Variants in COA6 observed in about 807,000 individuals in gnomAD.
COA6 encodes the protein cytochrome c oxidase assembly factor 6 homolog.
In COA6, 12 loss-of-function variants were observed where a neutral mutation model predicts 17.1. The observed-to-expected ratio is 0.70, with a 90% CI of 0.45 to 1.14. The LOEUF (loss-of-function observed/expected upper bound fraction) is 1.14. Among genes scored for constraint, COA6 ranks in the 50% most tolerant of loss-of-function variants. The pLI is 0.00. For missense variants in COA6, 246 were observed against 196.5 expected (o/e 1.25, Z -1.51); for synonymous variants, 90 against 73.4 (o/e 1.23, Z -1.16).
At position 234,373,573 on chromosome 1, in the gene COA6, G is replaced by C; in HGVS notation, c.107G>C (p.Cys36Ser). ...LLELEPAGRP[C>S]SGRTRHRALH... Reference sequence around the variant, plus strand: ...GAGCTTGAGCCAGCGGGGCGACCCTGCAGTGGCAGGACTCGGCACCGCGCC... The same window carrying C: ...GAGCTTGAGCCAGCGGGGCGACCCTCCAGTGGCAGGACTCGGCACCGCGCC... Residue 36 changes from cysteine to serine, a missense_variant, in exon 1 of 3, where the codon TGC becomes TCC. Transcript: ENST00000366615. 2 of 1,612,172 alleles carry C rather than the reference G, an allele frequency of 1.2e-6. No individual in the cohort carries two copies. The highest frequency in any genetic ancestry group is 1.7e-6 in the Non-Finnish European group (2 of 1,179,484).
In COA6 at chr1:234,384,689, T is replaced by C. The variant is rs1011785094; in HGVS notation, c.*871T>C. Reference sequence around the variant, plus strand: ...GACTACATCAGATTAAATGGAGAGGTATACAGTTGGCCCTCTGTGGGTTCT... The same window carrying C: ...GACTACATCAGATTAAATGGAGAGGCATACAGTTGGCCCTCTGTGGGTTCT... On this transcript the variant is annotated 3_prime_UTR_variant, in exon 3 of 3. Transcript: ENST00000366615. 3.3e-5 allele frequency among the ~76,000 whole-genome samples: 5 copies of C among 152,156 alleles called. No individual in the cohort carries two copies. Among genetic ancestry groups the C allele is most frequent in the South Asian group, 2.1e-4 (1 of 4,828 alleles).
At chr1:234,383,181 G>C (rs1330074463) in intron 2 of COA6, among the ~76,000 whole-genome samples, 1 of 152,136 alleles carries the variant, frequency 6.6e-6, no homozygotes, top group Non-Finnish European at 1.5e-5. Context: ...CAGCAAGCCT[G>C]ACCTGTGTGC....
chr1:234,381,728 A>C (rs12401853), intron 2 of COA6, among the ~76,000 whole-genome samples: 42,672 of 152,052 alleles, frequency 0.28, 6,960 homozygotes, highest in Admixed American at 0.38. Flanking sequence ...GTGCTGTGGC[A>C]GTGAAGAAGG....
intron 2 of COA6, among the ~76,000 whole-genome samples, chr1:234,375,513 G>A (rs1658765861): frequency 6.6e-6 from 1 of 152,216 alleles, no homozygotes; most frequent in Admixed American, 6.5e-5. Context: ...TAGAGTTGAA[G>A]TGGTTTTAGG....
At chr1:234,381,186 T>G (rs1421201586) in intron 2 of COA6, among the ~76,000 whole-genome samples, 2 of 152,190 alleles carry the variant, frequency 1.3e-5, no homozygotes, top group Admixed American at 1.3e-4. Flanking sequence ...GAAATCCCAG[T>G]ATTTTGGCAT....
rs760224357 is a variant in COA6 at position 234,373,677 on chromosome 1, A to G, written c.211A>G (p.Ser71Gly). The G allele has an allele frequency of 2.8e-5, 45 of 1,612,664 alleles. No individual in the cohort carries two copies. In the Admixed American group the frequency reaches 7.5e-4, roughly 27 times the overall value. The change falls in exon 1 of 3, where the codon AGC becomes GGC. Residue 71 changes from serine (S) to glycine (G), a missense_variant and splice_region_variant. By Grantham distance (56) the Ser-to-Gly change is moderately conservative (BLOSUM62 0). Coordinates refer to ENST00000366615, the MANE Select transcript of COA6 (RefSeq NM_001206641.3). ...RKEAGRGRAE[S>G]FIAVGMAAPS... Reference sequence around the variant, plus strand: ...GGAAGCCGGACGTGGGCGGGCAGAGAGGTCGGCTTGCTGATGGGTCCGGGT... The same window carrying G: ...GGAAGCCGGACGTGGGCGGGCAGAGGGGTCGGCTTGCTGATGGGTCCGGGT...
intron 2 of COA6, among the ~76,000 whole-genome samples, chr1:234,381,701 A>G (rs1048512268): frequency 1.1e-4 from 16 of 152,338 alleles, no homozygotes; most frequent in Middle Eastern, 6.8e-3. Context: ...AACCCAAGTG[A>G]GAAATGATGA....
chr1:234,380,435 C>G (rs1658939660), intron 2 of COA6, among the ~76,000 whole-genome samples: 2 of 152,112 alleles, frequency 1.3e-5, no homozygotes, highest in South Asian at 4.1e-4. Context: ...TTGTCTTAGA[C>G]CAGCCAACCA....
chr1:234,383,032 AAGGAAGGG>A (rs1290062333), intron 2 of COA6, among the ~76,000 whole-genome samples: 4 of 58,758 alleles, frequency 6.8e-5, no homozygotes, highest in African/African-American at 2.9e-4. Context: ...AGAGAGAGAG[AAGGAAGGG>A]AGGGAGGGAG....
At chr1:234,380,649 A>G (rs992598818) in intron 2 of COA6, among the ~76,000 whole-genome samples, 2 of 126,728 alleles carry the variant, frequency 1.6e-5, no homozygotes, top group African/African-American at 6.0e-5. Context: ...AGCTGTTACC[A>G]AAACAAATTA....
chr1:234,377,112 G>C (rs6657787), intron 2 of COA6, among the ~76,000 whole-genome samples: 3 of 78,308 alleles, frequency 3.8e-5, no homozygotes, highest in African/African-American at 1.4e-4. Context: ...TCCAGTCTCT[G>C]TCTCCTCTTT....
chr1:234,374,112 G>GTTTTTTTTTTTTTTTTT (rs61077059), intron 1 of COA6, 118 bp from the exon 2 acceptor site: 5 of 861,854 alleles, frequency 5.8e-6, no homozygotes, highest in South Asian at 2.1e-5. Context: ...TTTTGTTTTT[G>GTTTTTTTTTTTTTTTTT]TTTTTTTTTT....
chr1:234,383,836 A>AAAG lies in COA6; in HGVS notation c.*19_*21dup. 1 of 1,295,794 alleles carries AAAG rather than the reference A, an allele frequency of 7.7e-7. No individual in the cohort carries two copies. The highest frequency in any genetic ancestry group is 1.9e-5 in the Admixed American group (1 of 51,646). 80.3% of individuals were successfully genotyped at this position (1,295,794 alleles called of 1,614,324 possible). A position where few individuals can be genotyped will look rare whatever the true frequency, so the allele number is the denominator to read the frequency against. ...AATCCTAGGCTGTTCATAAAGATTG[A>AAAG]AAGTATTCTTTCTGGACATTGAAAA... On this transcript the variant is annotated 3_prime_UTR_variant, in exon 3 of 3. Coordinates refer to ENST00000366615, the MANE Select transcript of COA6 (RefSeq NM_001206641.3).
At chr1:234,383,350 C>T (rs985502860) in intron 2 of COA6, among the ~76,000 whole-genome samples, 14 of 132,050 alleles carry the variant, frequency 1.1e-4, no homozygotes, top group African/African-American at 4.1e-4. Flanking sequence ...GAACACATCA[C>T]AGGAAAGGGA....
At chr1:234,377,123 T>C (rs1450008192) in intron 2 of COA6, among the ~76,000 whole-genome samples, 1 of 116,700 alleles carries the variant, frequency 8.6e-6, no homozygotes, top group Non-Finnish European at 1.7e-5. Context: ...TCTCCTCTTT[T>C]TTTGTTTTTT....
chr1:234,373,711 C>G (rs780374258), intron 1 of COA6, 33 bp downstream of exon 1: 1 of 1,613,630 alleles, frequency 6.2e-7, no homozygotes, highest in South Asian at 1.1e-5. Context: ...GTGGGGCGCG[C>G]GTGGACTATG....
chr1:234,379,689 G>T (rs1344098878), intron 2 of COA6, among the ~76,000 whole-genome samples: 1 of 152,180 alleles, frequency 6.6e-6, no homozygotes, highest in Admixed American at 6.5e-5. Flanking sequence ...GAGGCCTCAG[G>T]AAACTTACAA....
chr1:234,374,112 G>GTTTTTTTTTTTTTT, intron 1 of COA6, 118 bp from the exon 2 acceptor site: 2 of 861,684 alleles, frequency 2.3e-6, no homozygotes, highest in East Asian at 2.9e-5. Flanking sequence ...TTTTGTTTTT[G>GTTTTTTTTTTTTTT]TTTTTTTTTT....
chr1:234,373,625 GAC>G lies in COA6; in HGVS notation c.161_162del (p.Thr54SerfsTer40). On this transcript the variant is annotated frameshift_variant, in exon 1 of 3. Transcript: ENST00000366615. LOFTEE classifies it high-confidence loss of function. The part of the protein sequence containing the change: ...ALHRRLVACV[T>X]VSSRRHRKEA... The stretch of plus-strand genomic sequence containing the variant: ...TCCACCGCCGGTTGGTGGCCTGCGT[GAC>G]AGTTTCCTCCCGTCGACATCGAAAG... 6.2e-7 allele frequency: 1 copy of G among 1,613,258 alleles called. No homozygotes were observed. The highest frequency in any genetic ancestry group is 8.5e-7 in the Non-Finnish European group (1 of 1,179,690).
Sources: allele counts gnomAD v4.1 joint callset (sites outside exome capture counted in the v4.1 genomes callset), GRCh38; gene constraint gnomAD v4.1.1; transcripts MANE v1.5; gene names NCBI Gene and HGNC (gene_info 2026-07-23, HGNC 2026-07-21).